GRK4: variants seen among roughly 807,000 people sequenced by gnomAD.
The protein encoded by GRK4 is G protein-coupled receptor kinase 2-like.
GRK4 carries 73 observed loss-of-function variants against 77.9 expected under a neutral mutation model. The observed-to-expected ratio is 0.94, with a 90% confidence interval of 0.78 to 1.14. GRK4 has a LOEUF of 1.14. Ranked by LOEUF, GRK4 falls within the 50% of genes most tolerant of loss-of-function variation. The probability of loss-of-function intolerance (pLI) is 0.00; values close to 1 mark genes in which losing one functional copy is unlikely to be tolerated. For synonymous variants in GRK4, 257 were observed against 254.4 expected (o/e 1.01, Z -0.10); for missense variants, 729 against 700.2 (o/e 1.04, Z -0.46).
In GRK4 at chr4:2,963,905, T is replaced by G; in HGVS notation, c.-166T>G. On this transcript the variant is annotated 5_prime_UTR_variant, in exon 1 of 16. Coordinates refer to ENST00000398052, the MANE Select transcript of GRK4 (RefSeq NM_182982.3). ...TGCGGAGGCGGCGGCGGCGGCGCCCTTGGTGGCAGTGGTGGCGGCGGAGCA... is the reference window on the plus strand; with the variant it reads ...TGCGGAGGCGGCGGCGGCGGCGCCCGTGGTGGCAGTGGTGGCGGCGGAGCA... 2.1e-5 allele frequency: 14 copies of G among 674,542 alleles called. No individual in the cohort carries two copies. Among genetic ancestry groups the G allele is most frequent in the South Asian group, 3.2e-5 (2 of 61,738 alleles). 41.8% of individuals were successfully genotyped at this position (674,542 alleles called of 1,614,324 possible).
chr4:2,987,143 C>T (rs763180769), intron 2 of GRK4: 3 of 518,494 alleles, frequency 5.8e-6, no homozygotes, highest in South Asian at 2.8e-5. Context: ...CAGAGCTAGA[C>T]AACTACAAAT....
rs1248748897 is a variant in GRK4 at position 2,963,750 on chromosome 4, C to A, written c.-321C>A. 12 of 444,252 alleles carry A rather than the reference C, an allele frequency of 2.7e-5. No homozygotes were observed. Among genetic ancestry groups the A allele is most frequent in the Middle Eastern group, 6.1e-4 (1 of 1,648 alleles). 27.5% of individuals were successfully genotyped at this position (444,252 alleles called of 1,614,324 possible). A position where few individuals can be genotyped will look rare whatever the true frequency, so the allele number is the denominator to read the frequency against. On this transcript the variant is annotated 5_prime_UTR_variant, in exon 1 of 16. Coordinates refer to ENST00000398052, the MANE Select transcript of GRK4 (RefSeq NM_182982.3). ...GGGCAGGGCACTGAGGAGGGAGTTG[C>A]GCGCGCGAGGCGAGGGCGATGGGGC...
In GRK4 at chr4:2,992,238, T is replaced by C; in HGVS notation, c.285T>C (p.Asp95=). The C allele has an allele frequency of 3.1e-6, 5 of 1,610,500 alleles. No individual in the cohort carries two copies. In the South Asian group the frequency reaches 4.4e-5, roughly 14 times the overall value. ...DAVAEYEVAD[D]EDRSDCGLSI... ...AGGCAGAATATGAAGTTGCCGATGA[T>C]GAGGACCGAAGTGATTGTGGACTGT... Residue 95 remains aspartate (D), a synonymous_variant, in exon 4 of 16, where the codon GAT becomes GAC. Coordinates refer to ENST00000398052, the MANE Select transcript of GRK4 (RefSeq NM_182982.3).
chr4:3,000,732 T>A (rs1025049179), intron 4 of GRK4, among the ~76,000 whole-genome samples: 1 of 143,822 alleles, frequency 7.0e-6, no homozygotes, highest in Non-Finnish European at 1.6e-5. Flanking sequence ...GCCCAGCTAA[T>A]TTTTTTTTTG....
At chr4:3,001,089 A>ATGTGTGTG (rs1490130793) in intron 4 of GRK4, among the ~76,000 whole-genome samples, 2 of 82,428 alleles carry the variant, frequency 2.4e-5, no homozygotes, top group African/African-American at 1.2e-4. Context: ...ATATATATAT[A>ATGTGTGTG]TGTGTGTGTG....
intron 8 of GRK4, among the ~76,000 whole-genome samples, chr4:3,018,734 C>T (rs1001772936): frequency 4.6e-5 from 7 of 152,034 alleles, no homozygotes; most frequent in East Asian, 1.9e-4. Context: ...AAAAATTAGC[C>T]GGGCGTGGTG....
At chr4:3,002,923 A>G (rs1049035115) in intron 4 of GRK4, among the ~76,000 whole-genome samples, 13 of 152,212 alleles carry the variant, frequency 8.5e-5, no homozygotes, top group Non-Finnish European at 1.8e-4. Flanking sequence ...TTTAATTGTG[A>G]TAAAAAAACA....
At chr4:3,013,858 C>A in intron 8 of GRK4, 30 bp downstream of exon 8, 1 of 1,581,186 alleles carries the variant, frequency 6.3e-7, no homozygotes, top group Admixed American at 1.9e-5. Flanking sequence ...CTTCACTGTG[C>A]ATTGTTTGAT....
rs1302681914 is a variant in GRK4, at chr4:3,019,792, G to A, written c.893G>A (p.Cys298Tyr). Residue 298 changes from cysteine to tyrosine, a missense_variant, in exon 9 of 16, where the codon TGC becomes TAC. Physicochemically the swap from Cys to Tyr is radical, Grantham distance 194 (BLOSUM62 -2). Transcript: ENST00000398052. ...RAVFYAAELCCGLEDLQRERI... is the reference protein window; with the variant it reads ...RAVFYAAELCYGLEDLQRERI... ...GTTTTCTATGCTGCAGAGCTGTGTTGCGGCTTGGAAGATTTACAGAGGGAA... is the reference window on the plus strand; with the variant it reads ...GTTTTCTATGCTGCAGAGCTGTGTTACGGCTTGGAAGATTTACAGAGGGAA... 5 of 1,614,010 alleles carry A rather than the reference G, an allele frequency of 3.1e-6. No individual in the cohort carries two copies. The highest frequency in any genetic ancestry group is 3.3e-5 in the Admixed American group (2 of 59,992).
chr4:2,964,146 G>GCCCCC, intron 1 of GRK4, 24 bp downstream of exon 1: 3 of 1,257,726 alleles, frequency 2.4e-6, no homozygotes, highest in Non-Finnish European at 2.1e-6. Flanking sequence ...AGGCGCCCCC[G>GCCCCC]ACCCCCCCCC....
intron 3 of GRK4, among the ~76,000 whole-genome samples, chr4:2,990,250 T>G (rs1440138343): frequency 7.6e-6 from 1 of 131,472 alleles, no homozygotes; most frequent in Non-Finnish European, 1.6e-5. Context: ...CTTCTTCTTT[T>G]TTTTTTTTTT....
chr4:3,024,966 A>G lies in GRK4; in HGVS notation c.970+2515A>G, dbSNP rs992142562. Among the ~76,000 whole-genome samples, 25 of 152,044 alleles carry G rather than the reference A, an allele frequency of 1.6e-4. 1 individual carries two copies. On this transcript the variant is annotated intron_variant, in intron 10 of 15. Transcript: ENST00000398052. ...TCTTTGGTTCTAGGGTTGTTCACTC[A>G]AATTAATTTAAAGTCACTCAGAGGC... is the stretch of plus-strand genomic sequence containing the variant.
At chr4:2,993,853 A>G (rs1168231650) in intron 4 of GRK4, among the ~76,000 whole-genome samples, 1 of 152,240 alleles carries the variant, frequency 6.6e-6, no homozygotes. Flanking sequence ...TGTCAGAACC[A>G]GGAATCGAAC....
chr4:3,029,195 A>T lies in GRK4; in HGVS notation c.1061-6A>T, dbSNP rs1738449637. The T allele has an allele frequency of 1.2e-6, 2 of 1,600,088 alleles. No homozygotes were observed. Among genetic ancestry groups the T allele is most frequent in the Non-Finnish European group, 1.7e-6 (2 of 1,170,154 alleles). On this transcript the variant is annotated splice_region_variant and splice_polypyrimidine_tract_variant and intron_variant, in intron 11 of 15. Coordinates refer to ENST00000398052, the MANE Select transcript of GRK4 (RefSeq NM_182982.3). The stretch of plus-strand genomic sequence containing the variant: ...TTAATTTCCATTTCCTGTATTTGTT[A>T]TGTAGCACCTGAAGTTGTCAATAAT...
intron 6 of GRK4, among the ~76,000 whole-genome samples, chr4:3,009,207 G>A (rs575566835): frequency 1.3e-5 from 2 of 152,052 alleles, no homozygotes; most frequent in African/African-American, 4.8e-5. Context: ...TGAATCATGA[G>A]GTCAGGAGTT....
Position 3,019,640 on chromosome 4 carries a change from G to C in GRK4, c.742-1G>C. ...TGTTTTTATGATGTTGCTGTCTTTAGGTTAGTTTAGCCTACGCTTATGAAA... is the reference window on the plus strand; with the variant it reads ...TGTTTTTATGATGTTGCTGTCTTTACGTTAGTTTAGCCTACGCTTATGAAA... On this transcript the variant is annotated splice_acceptor_variant, in intron 8 of 15. Transcript: ENST00000398052. LOFTEE classifies it high-confidence loss of function. The C allele has an allele frequency of 1.2e-6, 2 of 1,606,594 alleles. No individual in the cohort carries two copies. The highest frequency in any genetic ancestry group is 1.7e-6 in the Non-Finnish European group (2 of 1,175,694).
At chr4:3,006,107 TGG>T (rs1429699164) in intron 5 of GRK4, among the ~76,000 whole-genome samples, 1 of 151,904 alleles carries the variant, frequency 6.6e-6, no homozygotes, top group Non-Finnish European at 1.5e-5. Flanking sequence ...AGGCCAGGCA[TGG>T]TGGCTCACGC....
chr4:3,017,706 A>G (rs1403275551), intron 8 of GRK4, among the ~76,000 whole-genome samples: 1 of 152,214 alleles, frequency 6.6e-6, no homozygotes, highest in Non-Finnish European at 1.5e-5. Context: ...AAAATCAAAT[A>G]ATGTAATTTA....
intron 1 of GRK4, among the ~76,000 whole-genome samples, chr4:2,975,379 A>G (rs771692248): frequency 6.6e-6 from 1 of 152,164 alleles, no homozygotes; most frequent in Non-Finnish European, 1.5e-5. Context: ...CGCAGCCTAC[A>G]TAAAGAACCA....
Sources: allele counts gnomAD v4.1 joint callset (sites outside exome capture counted in the v4.1 genomes callset), GRCh38; gene constraint gnomAD v4.1.1; transcripts MANE v1.5; gene names NCBI Gene and HGNC (gene_info 2026-07-23, HGNC 2026-07-21).